DCC: variants seen among roughly 807,000 people sequenced by gnomAD.
DCC encodes the protein netrin receptor DCC.
Under a neutral mutation model 172.5 loss-of-function variants are expected in DCC, and 58 were observed. The ratio of observed to expected loss-of-function variants is 0.34; its 90% CI spans 0.27 to 0.42. The LOEUF is 0.42. DCC is among the 10% of genes least tolerant of loss of function. The pLI, the probability that DCC is intolerant of heterozygous loss-of-function variation, is 1.00. For missense variants in DCC, 1,740 were observed against 1,791.0 expected, an observed-to-expected ratio of 0.97 and a Z score of 0.51; for synonymous variants, 709 against 644.5, an observed-to-expected ratio of 1.10 and a Z score of -1.52.
chr18:52,735,867 G>C (rs927512074), intron 1 of DCC, among the ~76,000 whole-genome samples: 1 of 152,054 alleles, frequency 6.6e-6, no homozygotes, highest in Non-Finnish European at 1.5e-5. Context: ...CAATCAAGTT[G>C]ACACTCAGTA....
intron 26 of DCC, among the ~76,000 whole-genome samples, chr18:53,487,418 A>G (rs1041810275): frequency 2.6e-5 from 4 of 152,232 alleles, no homozygotes; most frequent in South Asian, 4.1e-4. Context: ...TAATTATCAG[A>G]AAAAAAGGAT....
chr18:53,495,336 A>G (rs2144413030), intron 26 of DCC, among the ~76,000 whole-genome samples: 1 of 148,836 alleles, frequency 6.7e-6, no homozygotes, highest in African/African-American at 2.5e-5. Context: ...GGTTGCAGTG[A>G]GCCAAGATCG....
At chr18:53,159,312 C>T (rs1045909602) in intron 8 of DCC, among the ~76,000 whole-genome samples, 1 of 152,084 alleles carries the variant, frequency 6.6e-6, no homozygotes, top group African/African-American at 2.4e-5. Flanking sequence ...ATCTTCCATC[C>T]CCGTTGACCA....
rs895856769 is a variant in DCC at position 53,021,713 on chromosome 18, G to A, written c.986-41592G>A. Among the ~76,000 whole-genome samples the A allele has an allele frequency of 5.3e-5, 8 of 152,192 alleles. 1 individual carries two copies. The highest frequency in any genetic ancestry group is 8.8e-5 in the Non-Finnish European group (6 of 68,034). ...ATTGCTTTAATCAGACCATGCTCTT[G>A]CAGATGTACTGTAACAGAGAGAAAG... On this transcript the variant is annotated intron_variant, in intron 5 of 28. Coordinates refer to ENST00000442544, the MANE Select transcript of DCC (RefSeq NM_005215.4).
intron 2 of DCC, among the ~76,000 whole-genome samples, chr18:52,804,442 C>T (rs1037500755): frequency 2.0e-5 from 3 of 152,154 alleles, no homozygotes; most frequent in African/African-American, 4.8e-5. Flanking sequence ...TACATTGTAT[C>T]GTTGAATCCT....
intron 12 of DCC, among the ~76,000 whole-genome samples, chr18:53,231,319 T>C (rs2056118165): frequency 6.6e-6 from 1 of 152,124 alleles, no homozygotes; most frequent in African/African-American, 2.4e-5. Flanking sequence ...GAATGTGCTC[T>C]TGGCTCTTTA....
At chr18:53,406,716 AGAAAGAAAG>A (rs1909681771) in intron 19 of DCC, among the ~76,000 whole-genome samples, 1 of 117,286 alleles carries the variant, frequency 8.5e-6, no homozygotes, top group African/African-American at 2.7e-5. Flanking sequence ...AAAAAAAAAA[AGAAAGAAAG>A]AAAAAAGAAA....
rs117408950 is a variant in DCC, at chr18:52,435,486, G to A, written c.91+94608G>A. Among the ~76,000 whole-genome samples the A allele has an allele frequency of 9.9e-4, 150 of 152,238 alleles. 3 individuals carry two copies. In the East Asian group the frequency reaches 0.025, roughly 26 times the overall value. On this transcript the variant is annotated intron_variant, in intron 1 of 28. Coordinates refer to ENST00000442544, the MANE Select transcript of DCC (RefSeq NM_005215.4). ...CTCGGGTGGATGGGACCACACACAC[G>A]CTAATGCTCTCTAATCCCTGCAGCT... is the stretch of plus-strand genomic sequence containing the variant.
At chr18:53,005,168 G>A (rs527703984) in intron 5 of DCC, among the ~76,000 whole-genome samples, 9 of 152,084 alleles carry the variant, frequency 5.9e-5, no homozygotes, top group Non-Finnish European at 1.2e-4. Flanking sequence ...CCTCTGTTTT[G>A]CATAACTTAC....
At chr18:52,426,258 A>C (rs1272995265) in intron 1 of DCC, among the ~76,000 whole-genome samples, 2 of 151,414 alleles carry the variant, frequency 1.3e-5, no homozygotes, top group African/African-American at 2.4e-5. Context: ...CTGATTGTGC[A>C]TGAATCATTC....
At position 53,088,500 on chromosome 18, in the gene DCC, G is replaced by T. The variant is rs530612630; in HGVS notation, c.1261+22334G>T. On this transcript the variant is annotated intron_variant, in intron 7 of 28. Transcript: ENST00000442544. ...GTTGCTTATCAGCTTAAGGAGATTT[G>T]GGGCTGAGACAATGGGGTTTTCTAG... Among the ~76,000 whole-genome samples the T allele has an allele frequency of 4.0e-3, 610 of 152,106 alleles. 2 individuals are homozygous for T. Among genetic ancestry groups the T allele is most frequent in the African/African-American group, 0.014 (562 of 41,496 alleles).
At chr18:53,294,219 G>C (rs1002394711) in intron 12 of DCC, among the ~76,000 whole-genome samples, 3 of 152,162 alleles carry the variant, frequency 2.0e-5, no homozygotes, top group African/African-American at 7.2e-5. Context: ...TTTCTTACTG[G>C]TGTAAATGAT....
chr18:52,929,211 A>G (rs1329992867), intron 5 of DCC, among the ~76,000 whole-genome samples: 1 of 152,114 alleles, frequency 6.6e-6, no homozygotes, highest in Non-Finnish European at 1.5e-5. Flanking sequence ...AAACGAAGGC[A>G]TTTTAGCACA....
rs1292160757 is a variant in DCC at position 53,099,958 on chromosome 18, TTTG to T, written c.1261+33795_1261+33797del. ...TTCTTTCTTTCTTTTTTTTTTTTTTTTTGTTTGAGACAGAGTCTTGCTTTGTTG... is the reference window on the plus strand; with the variant it reads ...TTCTTTCTTTCTTTTTTTTTTTTTTTTTTGAGACAGAGTCTTGCTTTGTTG... On this transcript the variant is annotated intron_variant, in intron 7 of 28. Transcript: ENST00000442544. Among the ~76,000 whole-genome samples, 45 of 125,848 alleles carry T rather than the reference TTTG, an allele frequency of 3.6e-4. 2 individuals carry two copies. The highest frequency in any genetic ancestry group is 2.0e-3 in the East Asian group (6 of 3,014). The allele number at this position is 125,848 out of a possible 152,430, so 82.6% of individuals were successfully genotyped here.
chr18:52,414,975 G>A (rs1986968819), intron 1 of DCC, among the ~76,000 whole-genome samples: 1 of 152,206 alleles, frequency 6.6e-6, no homozygotes, highest in African/African-American at 2.4e-5. Flanking sequence ...AATTACAAAT[G>A]CAGTTTCAGA....
chr18:53,370,934 A>G (rs767264603), intron 15 of DCC, among the ~76,000 whole-genome samples: 12 of 151,894 alleles, frequency 7.9e-5, no homozygotes, highest in Non-Finnish European at 1.3e-4. Context: ...TTTTACCGAA[A>G]CAAGTGATGT....
intron 1 of DCC, among the ~76,000 whole-genome samples, chr18:52,668,240 A>C (rs530427464): frequency 1.1e-4 from 16 of 152,160 alleles, no homozygotes; most frequent in Admixed American, 9.2e-4. Flanking sequence ...AGAATTTCAG[A>C]GAGTGGGGCT....
At chr18:53,374,391 A>G (rs919788562) in intron 15 of DCC, among the ~76,000 whole-genome samples, 1 of 152,184 alleles carries the variant, frequency 6.6e-6, no homozygotes, top group African/African-American at 2.4e-5. Flanking sequence ...AATAGATGAC[A>G]TCCAAGATTT....
chr18:53,489,832 A>G (rs1402436375), intron 26 of DCC, among the ~76,000 whole-genome samples: 1 of 152,222 alleles, frequency 6.6e-6, no homozygotes, highest in Non-Finnish European at 1.5e-5. Context: ...TGATGGACAA[A>G]TATTTCTTCT....
Sources: allele counts gnomAD v4.1 joint callset (sites outside exome capture counted in the v4.1 genomes callset), GRCh38; gene constraint gnomAD v4.1.1; transcripts MANE v1.5; gene names NCBI Gene and HGNC (gene_info 2026-07-23, HGNC 2026-07-21).